Variants in NDUFAB1 observed in about 807,000 individuals in gnomAD.
NDUFAB1 encodes the protein NADH:ubiquinone oxidoreductase subunit AB1.
In NDUFAB1, 5 loss-of-function variants were observed where a neutral mutation model predicts 16.1. The observed-to-expected ratio is 0.31, with a 90% CI of 0.16 to 0.65. The LOEUF (loss-of-function observed/expected upper bound fraction) is 0.65, where lower values mean the gene tolerates loss of function less well. Ranked by LOEUF, NDUFAB1 falls within the 30% of genes least tolerant of loss-of-function variation. The pLI is 0.77. For missense variants in NDUFAB1, 187 were observed against 205.3 expected, an observed-to-expected ratio of 0.91 and a Z score of 0.54; for synonymous variants, 85 against 78.4, an observed-to-expected ratio of 1.08 and a Z score of -0.44.
chr16:23,588,624 A>G (rs1966253349), intron 1 of NDUFAB1, among the ~76,000 whole-genome samples: 1 of 152,178 alleles, frequency 6.6e-6, no homozygotes, highest in Admixed American at 6.5e-5. Context: ...AATCATAATA[A>G]ATACTGCCCA....
chr16:23,595,035 G>C (rs1014312002), intron 1 of NDUFAB1, among the ~76,000 whole-genome samples: 1 of 151,836 alleles, frequency 6.6e-6, no homozygotes, highest in African/African-American at 2.4e-5. Context: ...GGTGGATTGC[G>C]AGGTCGGGAG....
At chr16:23,594,044 C>CTA (rs1669222742) in intron 1 of NDUFAB1, among the ~76,000 whole-genome samples, 1 of 150,364 alleles carries the variant, frequency 6.7e-6, no homozygotes, top group Admixed American at 6.6e-5. Flanking sequence ...CCACGCCCGG[C>CTA]TAATTATTTT....
intron 1 of NDUFAB1, among the ~76,000 whole-genome samples, chr16:23,595,844 G>A (rs571569331): frequency 6.6e-6 from 1 of 152,360 alleles, no homozygotes; most frequent in African/African-American, 2.4e-5. Flanking sequence ...AATTTTGCAG[G>A]TGAGTGTGAG....
At position 23,582,357 on chromosome 16, in the gene NDUFAB1, A is replaced by T. The variant is rs779662345; in HGVS notation, c.398T>A (p.Ile133Lys). Reference protein sequence around the residue: ...EDEFGFEIPDIDAEKLMCPQE... With the variant: ...EDEFGFEIPDKDAEKLMCPQE... ...TGGACACATTAACTTTTCAGCATCT[A>T]TATCAGGAATTTCAAACCCTAAAAG... Residue 133 changes from isoleucine to lysine, a missense_variant, in exon 4 of 5, where the codon ATA (isoleucine) becomes AAA (lysine). Coordinates refer to ENST00000007516, the MANE Select transcript of NDUFAB1 (RefSeq NM_005003.3). 12 of 1,571,974 alleles carry T rather than the reference A, an allele frequency of 7.6e-6. No individual in the cohort carries two copies. The South Asian group carries it at 1.1e-4, about 14-fold the overall frequency.
At chr16:23,591,792 G>A (rs942437213) in intron 1 of NDUFAB1, among the ~76,000 whole-genome samples, 3 of 152,120 alleles carry the variant, frequency 2.0e-5, no homozygotes, top group East Asian at 1.9e-4. Context: ...TCAAGATCAC[G>A]TTCACTGAGA....
intron 1 of NDUFAB1, among the ~76,000 whole-genome samples, chr16:23,595,043 G>C (rs1264564755): frequency 1.3e-5 from 2 of 151,906 alleles, no homozygotes; most frequent in African/African-American, 4.8e-5. Flanking sequence ...GCGAGGTCGG[G>C]AGTTCAAGAC....
At chr16:23,589,237 A>C (rs1225209101) in intron 1 of NDUFAB1, among the ~76,000 whole-genome samples, 2 of 151,766 alleles carry the variant, frequency 1.3e-5, no homozygotes, top group Non-Finnish European at 2.9e-5. Context: ...CGGAGGTTGC[A>C]GTGAGCCAAG....
At chr16:23,581,765 C>T (rs1966181679) in intron 4 of NDUFAB1, 1 of 152,282 alleles carries the variant, frequency 6.6e-6, no homozygotes. Context: ...ATCATTACCA[C>T]CATATTACAT....
intron 2 of NDUFAB1, among the ~76,000 whole-genome samples, chr16:23,586,356 T>C (rs939035433): frequency 4.0e-5 from 6 of 151,214 alleles, no homozygotes; most frequent in African/African-American, 1.5e-4. Flanking sequence ...CGTTGTTAGA[T>C]GGAGTTTCAC....
At chr16:23,582,116 TG>T in intron 4 of NDUFAB1, 159 bp downstream of exon 4, 1 of 786,670 alleles carries the variant, frequency 1.3e-6, no homozygotes, top group Non-Finnish European at 1.8e-6. Flanking sequence ...CCACCAGGGC[TG>T]GGCCCCTTTG....
Position 23,587,275 on chromosome 16 carries a change from C to T in NDUFAB1, c.213G>A (p.Met71Ile). The T allele has an allele frequency of 6.2e-7, 1 of 1,614,020 alleles. No individual in the cohort carries two copies. Among genetic ancestry groups the T allele is most frequent in the Non-Finnish European group, 8.5e-7 (1 of 1,179,900 alleles). The change falls in exon 2 of 5, where the codon ATG becomes ATA. Residue 71 changes from methionine to isoleucine, a missense_variant. Coordinates refer to ENST00000007516, the MANE Select transcript of NDUFAB1 (RefSeq NM_005003.3). ...VTQLCRQYSD[M>I]PPLTLEGIQD... ...GGATGCCCTCTAACGTCAAAGGAGGCATGTCGCTATACTGGCGGCACAACT... is the reference window on the plus strand; with the variant it reads ...GGATGCCCTCTAACGTCAAAGGAGGTATGTCGCTATACTGGCGGCACAACT...
At position 23,587,339 on chromosome 16, in the gene NDUFAB1, GA is replaced by G; in HGVS notation, c.169-21del. The G allele has an allele frequency of 6.2e-7, 1 of 1,611,388 alleles. No individual in the cohort carries two copies. The highest frequency in any genetic ancestry group is 8.5e-7 in the Non-Finnish European group (1 of 1,179,018). Reference sequence around the variant, plus strand: ...AGGAACCTAGAGCGACGGCAGGAAGGAAACACTGTCATTGAATGGAAAATAC... The same window carrying G: ...AGGAACCTAGAGCGACGGCAGGAAGGAACACTGTCATTGAATGGAAAATAC... On this transcript the variant is annotated intron_variant, in intron 1 of 4. Transcript: ENST00000007516.
Position 23,596,293 on chromosome 16 carries a change from C to G in NDUFAB1, c.-3G>C. On this transcript the variant is annotated 5_prime_UTR_variant, in exon 1 of 5. Transcript: ENST00000007516. ...GCTGAAAGGACACGAGACGCCATGG[C>G]TACGCCAACCCAGGATGCACTGCGC... 1.3e-6 allele frequency: 2 copies of G among 1,553,410 alleles called. No individual in the cohort carries two copies. The highest frequency in any genetic ancestry group is 1.7e-6 in the Non-Finnish European group (2 of 1,151,598).
At chr16:23,583,078 C>T (rs1966196444) in intron 3 of NDUFAB1, among the ~76,000 whole-genome samples, 2 of 152,288 alleles carry the variant, frequency 1.3e-5, no homozygotes, top group African/African-American at 4.8e-5. Context: ...CTCGGCCTCC[C>T]GAGGTGCCGG....
rs770697873 is a variant in NDUFAB1, at chr16:23,582,353, A to T, written c.402T>A (p.Asp134Glu). ...DEFGFEIPDI[D>E]AEKLMCPQEI... ...CTTGTGGACACATTAACTTTTCAGCATCTATATCAGGAATTTCAAACCCTA... is the reference window on the plus strand; with the variant it reads ...CTTGTGGACACATTAACTTTTCAGCTTCTATATCAGGAATTTCAAACCCTA... Residue 134 changes from aspartate to glutamate, a missense_variant, in exon 4 of 5, where the codon GAT (aspartate) becomes GAA (glutamate). By Grantham distance (45) the Asp-to-Glu change is conservative. This residue lies in a region of NDUFAB1 where 32 missense variants were observed against 28.8 expected (regional missense o/e 1.11). Transcript: ENST00000007516. 1.7e-5 allele frequency: 27 copies of T among 1,576,262 alleles called. No individual in the cohort carries two copies. The highest frequency in any genetic ancestry group is 2.2e-5 in the Non-Finnish European group (26 of 1,163,482).
intron 1 of NDUFAB1, among the ~76,000 whole-genome samples, chr16:23,588,193 G>A (rs1432953205): frequency 2.0e-5 from 3 of 152,198 alleles, no homozygotes; most frequent in Non-Finnish European, 4.4e-5. Context: ...GGTGGCTCAC[G>A]CCTATAATCA....
chr16:23,591,821 T>G (rs529803690), intron 1 of NDUFAB1, among the ~76,000 whole-genome samples: 1 of 152,292 alleles, frequency 6.6e-6, no homozygotes, highest in East Asian at 1.9e-4. Flanking sequence ...AAGTATCTCT[T>G]TTTGCTTTTG....
At chr16:23,595,211 G>A (rs1417172383) in intron 1 of NDUFAB1, among the ~76,000 whole-genome samples, 2 of 152,150 alleles carry the variant, frequency 1.3e-5, no homozygotes, top group Non-Finnish European at 2.9e-5. Context: ...GGAGGTTGCA[G>A]TGAGCTGAGA....
chr16:23,592,691 GTTTTTGTT>G (rs1489316391), intron 1 of NDUFAB1, among the ~76,000 whole-genome samples: 1 of 152,154 alleles, frequency 6.6e-6, no homozygotes. Context: ...ATTGCCCTTG[GTTTTTGTT>G]TTTTTGTTTT....
Sources: gnomAD v4.1 joint callset for allele counts (sites outside exome capture counted in the v4.1 genomes callset) on GRCh38, gnomAD v4.1.1 for gene constraint, gnomAD v4.1.1 regional missense constraint, MANE v1.5 for transcripts, NCBI Gene and HGNC (gene_info 2026-07-23, HGNC 2026-07-21) for gene names.